The following KAZN variants were observed in gnomAD, a reference collection of about 807,000 sequenced individuals.
The protein encoded by KAZN is kazrin, periplakin interacting protein.
A neutral mutation model predicts 87.4 loss-of-function variants in KAZN; 40 were observed. The ratio of observed to expected loss-of-function variants is 0.46; its 90% CI spans 0.36 to 0.60. The LOEUF is 0.60. Among genes scored for constraint, KAZN ranks in the 20% least tolerant of loss-of-function variants. The pLI, the probability that KAZN is intolerant of heterozygous loss-of-function variation, is 0.00. For missense variants in KAZN, 898 were observed against 1,073.9 expected (o/e 0.84, Z 2.29); for synonymous variants, 466 against 458.3 (o/e 1.02, Z -0.22).
chr1:14,172,683 A>T (rs767424047), intron 1 of KAZN, among the ~76,000 whole-genome samples: 2 of 152,244 alleles, frequency 1.3e-5, no homozygotes, highest in Non-Finnish European at 2.9e-5. Context: ...TAGGCTCCAC[A>T]GTGGCTGTGG....
intron 2 of KAZN, among the ~76,000 whole-genome samples, chr1:14,289,547 T>A (rs1653520209): frequency 6.6e-6 from 1 of 152,160 alleles, no homozygotes; most frequent in East Asian, 1.9e-4. Context: ...GCAGATCTTC[T>A]TCTATCCCTT....
chr1:14,167,233 A>G (rs1258634977), intron 1 of KAZN, among the ~76,000 whole-genome samples: 2 of 152,162 alleles, frequency 1.3e-5, no homozygotes, highest in Non-Finnish European at 2.9e-5. Context: ...GAAAATGTGC[A>G]TTTTATCCTA....
At position 14,872,953 on chromosome 1, in the gene KAZN, T is replaced by TGGAC. The variant is rs1368013133; in HGVS notation, c.227-87728_227-87727insCGGA. On this transcript the variant is annotated intron_variant, in intron 1 of 14. Transcript: ENST00000376030. ...ATGGATGGATAGATGGATGGATGGA[T>TGGAC]GGATGGATGGATGGAAAGATGAGTA... Among the ~76,000 whole-genome samples the TGGAC allele has an allele frequency of 2.7e-5, 4 of 150,036 alleles. No homozygotes were observed. In the East Asian group the frequency reaches 7.9e-4, roughly 30 times the overall value.
At chr1:14,009,981 C>T (rs1217654456) in intron 1 of KAZN, among the ~76,000 whole-genome samples, 4 of 152,166 alleles carry the variant, frequency 2.6e-5, no homozygotes, top group Admixed American at 2.6e-4. Context: ...CCCCTGTTTA[C>T]TTTTGGCAGA....
At chr1:14,563,963 G>A (rs12081101) in intron 2 of KAZN, among the ~76,000 whole-genome samples, 23,605 of 145,384 alleles carry the variant, frequency 0.16, 1,925 homozygotes, top group Admixed American at 0.2. Context: ...ACCATCTCCC[G>A]GGTTCAAGTG....
intron 2 of KAZN, among the ~76,000 whole-genome samples, chr1:15,033,580 C>T (rs770216278): frequency 9.2e-5 from 14 of 152,172 alleles, no homozygotes; most frequent in Non-Finnish European, 1.3e-4. Flanking sequence ...CCAGCCCTTG[C>T]TATTGTCTGT....
chr1:14,434,620 G>A (rs1374485079), intron 2 of KAZN, among the ~76,000 whole-genome samples: 5 of 152,196 alleles, frequency 3.3e-5, no homozygotes, highest in African/African-American at 9.7e-5. Context: ...CTGGGGAGCA[G>A]GAAGCAGGAC....
chr1:13,923,587 A>G (rs1016242383), intron 1 of KAZN, among the ~76,000 whole-genome samples: 1 of 148,488 alleles, frequency 6.7e-6, no homozygotes, highest in African/African-American at 2.5e-5. Context: ...AAAAAAAAAA[A>G]AAAAATATAA....
At chr1:15,070,304 C>T (rs919099062) in intron 8 of KAZN, among the ~76,000 whole-genome samples, 1 of 152,232 alleles carries the variant, frequency 6.6e-6, no homozygotes, top group Non-Finnish European at 1.5e-5. Flanking sequence ...GCCTTTTCCC[C>T]GCAGGCCCAG....
chr1:14,557,603 G>T (rs115821788), intron 2 of KAZN, among the ~76,000 whole-genome samples: 2,181 of 151,160 alleles, frequency 0.014, 27 homozygotes, highest in Middle Eastern at 0.031. Context: ...GTTCTCCAGA[G>T]AAACAAAACC....
chr1:14,891,526 T>G (rs1274347106), intron 1 of KAZN, among the ~76,000 whole-genome samples: 1 of 152,220 alleles, frequency 6.6e-6, no homozygotes, highest in Non-Finnish European at 1.5e-5. Flanking sequence ...AATCTGTATT[T>G]TAACAAGCTT....
intron 1 of KAZN, among the ~76,000 whole-genome samples, chr1:14,043,922 C>T (rs145236226): frequency 6.6e-6 from 1 of 152,264 alleles, no homozygotes; most frequent in African/African-American, 2.4e-5. Context: ...GGCTGAGAAA[C>T]AACAATGTAT....
At chr1:14,228,579 AT>A (rs1647507658) in intron 2 of KAZN, among the ~76,000 whole-genome samples, 1 of 152,176 alleles carries the variant, frequency 6.6e-6, no homozygotes, top group South Asian at 2.1e-4. Flanking sequence ...AGAGGAGGAA[AT>A]TGACATTCAA....
At chr1:14,461,261 C>A (rs1667835866) in intron 2 of KAZN, among the ~76,000 whole-genome samples, 1 of 152,134 alleles carries the variant, frequency 6.6e-6, no homozygotes, top group South Asian at 2.1e-4. Flanking sequence ...CAAATCTCAT[C>A]TTGAATTATA....
chr1:13,951,218 G>A (rs10927967), intron 1 of KAZN, among the ~76,000 whole-genome samples: 18,153 of 152,164 alleles, frequency 0.12, 1,213 homozygotes, highest in Middle Eastern at 0.22. Flanking sequence ...CCTGGCTCCC[G>A]GAGAGGCAGC....
Position 14,304,793 on chromosome 1 carries a change from G to A in KAZN, c.249+124201G>A, listed in dbSNP as rs533095446. The A allele has an allele frequency of 1.5e-3, 600 of 394,640 alleles. 4 individuals are homozygous for A. Among genetic ancestry groups the A allele is most frequent in the Middle Eastern group, 3.2e-3 (5 of 1,560 alleles). 24.4% of individuals were successfully genotyped at this position (394,640 alleles called of 1,614,324 possible). A position where few individuals can be genotyped will look rare whatever the true frequency, so the allele number is the denominator to read the frequency against. On this transcript the variant is annotated intron_variant, in intron 2 of 16. Coordinates refer to the KAZN transcript ENST00000636203. The stretch of plus-strand genomic sequence containing the variant: ...GACATAATTTACTTTTGCATTTTCC[G>A]TTCATTCTTGAACAGTTCACCGAGC...
At chr1:14,758,125 TC>T (rs1553125897) in intron 1 of KAZN, among the ~76,000 whole-genome samples, 2 of 31,802 alleles carry the variant, frequency 6.3e-5, no homozygotes, top group South Asian at 4.6e-4. Flanking sequence ...TTTTGTTTTT[TC>T]TCTCTTTCCT....
chr1:14,757,084 T>TTTCTC (rs1644590462), intron 1 of KAZN, among the ~76,000 whole-genome samples: 1 of 152,240 alleles, frequency 6.6e-6, no homozygotes, highest in Admixed American at 6.5e-5. Context: ...AGCTCAGAAG[T>TTTCTC]TTGCAGAGAA....
chr1:14,687,900 C>T (rs937745984), intron 1 of KAZN, among the ~76,000 whole-genome samples: 3 of 152,176 alleles, frequency 2.0e-5, no homozygotes, highest in East Asian at 1.9e-4. Flanking sequence ...GACCAAAGTC[C>T]GTGCACTGGA....
Sources: allele counts gnomAD v4.1 joint callset (sites outside exome capture counted in the v4.1 genomes callset), GRCh38; gene constraint gnomAD v4.1.1; transcripts MANE v1.5; gene names NCBI Gene and HGNC (gene_info 2026-07-23, HGNC 2026-07-21).